The following ZCCHC2 variants were observed in gnomAD, a reference collection of about 807,000 sequenced individuals.
ZCCHC2 encodes zinc finger CCHC-type containing 2, also known as zinc finger CCHC domain-containing protein 2.
ZCCHC2 carries 39 observed loss-of-function variants against 103.6 expected under a neutral mutation model. That is an observed-to-expected ratio of 0.38 (90% CI 0.29 to 0.49). The LOEUF is 0.49. ZCCHC2 is among the 20% of genes least tolerant of loss of function. The pLI is 0.96. For synonymous variants in ZCCHC2, 687 were observed against 608.9 expected, an observed-to-expected ratio of 1.13 and a Z score of -1.89; for missense variants, 1,483 against 1,491.0, an observed-to-expected ratio of 0.99 and a Z score of 0.09.
intron 5 of ZCCHC2, among the ~76,000 whole-genome samples, chr18:62,555,235 T>C (rs1676317017): frequency 6.6e-6 from 1 of 152,206 alleles, no homozygotes. Flanking sequence ...TCTAATTCTT[T>C]GCCCAAGAGC....
chr18:62,563,288 T>C, intron 9 of ZCCHC2, 144 bp downstream of exon 9: 2 of 983,760 alleles, frequency 2.0e-6, no homozygotes, highest in Non-Finnish European at 2.9e-6. Context: ...TATACTTATA[T>C]ATGATCTAAG....
In ZCCHC2 at chr18:62,559,934, G is replaced by T. The variant is rs950211455; in HGVS notation, c.1493-653G>T. Among the ~76,000 whole-genome samples the T allele has an allele frequency of 5.9e-5, 9 of 152,282 alleles. No individual in the cohort carries two copies. In the East Asian group the frequency reaches 1.7e-3, roughly 29 times the overall value. Reference sequence around the variant, plus strand: ...TTGCATAGCATTTACATTGTACTAGGTATTATAAGTAATCTAGAGATGATT... The same window carrying T: ...TTGCATAGCATTTACATTGTACTAGTTATTATAAGTAATCTAGAGATGATT... On this transcript the variant is annotated intron_variant, in intron 7 of 13. Coordinates refer to ENST00000269499, the MANE Select transcript of ZCCHC2 (RefSeq NM_017742.6).
rs572986354 is a variant in ZCCHC2, at chr18:62,532,946, A to T, written c.940-6735A>T. Among the ~76,000 whole-genome samples, 3 of 152,204 alleles carry T rather than the reference A, an allele frequency of 2.0e-5. No individual in the cohort carries two copies. In the East Asian group the frequency reaches 5.8e-4, roughly 29 times the overall value. On this transcript the variant is annotated intron_variant, in intron 1 of 13. Transcript: ENST00000269499. Reference sequence around the variant, plus strand: ...CAGCTACTCAGGAGGCGGAGGCAGGAGGATCACTTGAGCCCAGGAGGATAG... The same window carrying T: ...CAGCTACTCAGGAGGCGGAGGCAGGTGGATCACTTGAGCCCAGGAGGATAG...
chr18:62,526,174 T>G (rs1340570338), intron 1 of ZCCHC2: 1 of 152,078 alleles, frequency 6.6e-6, no homozygotes, highest in Non-Finnish European at 1.5e-5. Context: ...AGTAATGAGA[T>G]TTTTATGTTG....
chr18:62,584,596 G>GT (rs1917124767), exon 15 of ZCCHC2: 1 of 152,184 alleles, frequency 6.6e-6, no homozygotes, highest in Admixed American at 6.5e-5. Flanking sequence ...AACATTAAAC[G>GT]TAAGAGAGGG....
chr18:62,538,971 A>G (rs1915054292), intron 1 of ZCCHC2, among the ~76,000 whole-genome samples: 1 of 142,390 alleles, frequency 7.0e-6, no homozygotes, highest in African/African-American at 2.6e-5. Context: ...GTAATAAAAA[A>G]CTGTCATAAG....
intron 1 of ZCCHC2, among the ~76,000 whole-genome samples, chr18:62,532,287 A>G (rs983410142): frequency 1.3e-5 from 2 of 152,168 alleles, no homozygotes; most frequent in South Asian, 2.1e-4. Flanking sequence ...ACTCCAAATT[A>G]CTTGATGACC....
chr18:62,541,918 T>C (rs1915206243), intron 2 of ZCCHC2, among the ~76,000 whole-genome samples: 1 of 152,326 alleles, frequency 6.6e-6, no homozygotes, highest in Admixed American at 6.5e-5. Context: ...AAAAAAATTT[T>C]GCCACAATGA....
chr18:62,538,186 G>A (rs907830892), intron 1 of ZCCHC2, among the ~76,000 whole-genome samples: 14 of 149,506 alleles, frequency 9.4e-5, no homozygotes, highest in Non-Finnish European at 1.3e-4. Context: ...ACTTGAAGCC[G>A]GGAATTTGAG....
At chr18:62,534,101 C>A (rs968886081) in intron 1 of ZCCHC2, among the ~76,000 whole-genome samples, 3 of 151,904 alleles carry the variant, frequency 2.0e-5, no homozygotes, top group African/African-American at 7.3e-5. Flanking sequence ...ATTTAATATA[C>A]CTTCCAAATC....
rs78250035 is a variant in ZCCHC2 at position 62,558,864 on chromosome 18, G to A, written c.1492+94G>A. Reference sequence around the variant, plus strand: ...TGAAGAAACTGACATATAGGAATTGGAATGTGACAGAGGTTGCATTACAAA... The same window carrying A: ...TGAAGAAACTGACATATAGGAATTGAAATGTGACAGAGGTTGCATTACAAA... On this transcript the variant is annotated intron_variant, in intron 7 of 13. Transcript: ENST00000269499. 7.4e-4 allele frequency: 545 copies of A among 731,622 alleles called. 2 individuals carry two copies. The East Asian group carries it at 0.014, about 19-fold the overall frequency. 45.3% of individuals were successfully genotyped at this position (731,622 alleles called of 1,614,324 possible).
At chr18:62,537,259 G>A (rs912356921) in intron 1 of ZCCHC2, among the ~76,000 whole-genome samples, 1 of 152,064 alleles carries the variant, frequency 6.6e-6, no homozygotes, top group Admixed American at 6.5e-5. Flanking sequence ...GGTCACTGCA[G>A]CCTTGAACTC....
intron 1 of ZCCHC2, among the ~76,000 whole-genome samples, chr18:62,529,159 CAA>C (rs67299838): frequency 0.032 from 2,177 of 67,358 alleles, 25 homozygotes; most frequent in African/African-American, 0.12. Flanking sequence ...GACAACGTCT[CAA>C]AAAAAAAAAA....
intron 14 of ZCCHC2, among the ~76,000 whole-genome samples, chr18:62,583,689 AC>A (rs1917093392): frequency 6.7e-6 from 1 of 149,762 alleles, no homozygotes; most frequent in Admixed American, 6.6e-5. Flanking sequence ...ACCCAACCCC[AC>A]CCCACCAAGA....
chr18:62,541,869 TTAATA>T (rs541934790), intron 2 of ZCCHC2, among the ~76,000 whole-genome samples: 13 of 152,212 alleles, frequency 8.5e-5, no homozygotes, highest in African/African-American at 2.4e-4. Flanking sequence ...GTTTTAAAGT[TTAATA>T]TAATTTATGT....
At chr18:62,579,434 G>C (rs1049274337), downstream of ZCCHC2, among the ~76,000 whole-genome samples, 1 of 152,220 alleles carries the variant, frequency 6.6e-6, no homozygotes, top group African/African-American at 2.4e-5. Flanking sequence ...CCTTGACGCA[G>C]TCCTGGTGGC....
chr18:62,528,296 TAAAAAG>T (rs1172953509), intron 1 of ZCCHC2, among the ~76,000 whole-genome samples: 1 of 152,232 alleles, frequency 6.6e-6, no homozygotes, highest in Non-Finnish European at 1.5e-5. Flanking sequence ...AGTAGTGAAT[TAAAAAG>T]AAAACCTTGC....
intron 14 of ZCCHC2, among the ~76,000 whole-genome samples, chr18:62,583,880 G>A (rs987010423): frequency 3.3e-5 from 5 of 152,112 alleles, no homozygotes; most frequent in Non-Finnish European, 7.4e-5. Context: ...GTGTCAGCTC[G>A]GGGTGGAGGG....
chr18:62,523,977 C>G lies in ZCCHC2; in HGVS notation c.553C>G (p.Arg185Gly), dbSNP rs1914203602. The G allele has an allele frequency of 6.7e-7, 1 of 1,495,106 alleles. No homozygotes were observed. Among genetic ancestry groups the G allele is most frequent in the Non-Finnish European group, 8.9e-7 (1 of 1,127,178 alleles). The allele number at this position is 1,495,106 out of a possible 1,614,324, so 92.6% of individuals were successfully genotyped here. ...CCTGGCGCTGCTGGGCTCGGAGAAC[C>G]GGGAGGCCGCTGGCCGTCTGCACCG... ...VYLALLGSEN[R>G]EAAGRLHRLL... Residue 185 changes from arginine to glycine, a missense_variant, in exon 1 of 14, where the codon CGG becomes GGG. Arg to Gly is a moderately radical substitution (Grantham distance 125). This residue lies in a region of ZCCHC2 where 568 missense variants were observed against 525.1 expected (regional missense o/e 1.08). Coordinates refer to ENST00000269499, the MANE Select transcript of ZCCHC2 (RefSeq NM_017742.6).
Sources: allele counts gnomAD v4.1 joint callset (sites outside exome capture counted in the v4.1 genomes callset), GRCh38; gene constraint gnomAD v4.1.1; regional missense constraint gnomAD v4.1.1; transcripts MANE v1.5; gene names NCBI Gene and HGNC (gene_info 2026-07-23, HGNC 2026-07-21).